The following PHC3 variants were observed in gnomAD, a reference collection of about 807,000 sequenced individuals.
The protein encoded by PHC3 is polyhomeotic homolog 3.
In PHC3, 13 loss-of-function variants were observed where a neutral mutation model predicts 107.4. That is an observed-to-expected ratio of 0.12 (90% CI 0.08 to 0.19). The LOEUF (loss-of-function observed/expected upper bound fraction) is 0.19, where lower values mean the gene tolerates loss of function less well. PHC3 is among the 10% of genes least tolerant of loss of function. The pLI is 1.00. For missense variants in PHC3, 992 were observed against 1,210.9 expected, an observed-to-expected ratio of 0.82 and a Z score of 2.68; for synonymous variants, 456 against 427.4, an observed-to-expected ratio of 1.07 and a Z score of -0.83.
At chr3:170,112,251 G>C (rs1348901963) in intron 11 of PHC3, among the ~76,000 whole-genome samples, 1 of 151,018 alleles carries the variant, frequency 6.6e-6, no homozygotes, top group Non-Finnish European at 1.5e-5. Flanking sequence ...TAGCTCTGTC[G>C]CCAGGCTGGA....
chr3:170,099,168 A>G (rs1715057599), intron 14 of PHC3, among the ~76,000 whole-genome samples: 1 of 152,228 alleles, frequency 6.6e-6, no homozygotes, highest in African/African-American at 2.4e-5. Context: ...GGAGTTCTCC[A>G]TGAGGAAAAT....
At position 170,140,584 on chromosome 3, in the gene PHC3, C is replaced by CTTTTTTT. The variant is rs57137783; in HGVS notation, c.673-3926_673-3920dup. ...TCAGAGTTCTTACTCATTTCTTTTT[C>CTTTTTTT]TTTTTTTTTTTTTTTTTTTTTTTTT... On this transcript the variant is annotated intron_variant, in intron 6 of 14. Transcript: ENST00000495893. 1.1e-3 allele frequency among the ~76,000 whole-genome samples: 75 copies of CTTTTTTT among 69,620 alleles called. 3 individuals carry two copies. The highest frequency in any genetic ancestry group is 1.4e-3 in the African/African-American group (25 of 17,666). The allele number at this position is 69,620 out of a possible 152,430, so 45.7% of individuals were successfully genotyped here.
chr3:170,103,550 G>T (rs1229761975), intron 12 of PHC3, among the ~76,000 whole-genome samples: 1 of 152,136 alleles, frequency 6.6e-6, no homozygotes, highest in Non-Finnish European at 1.5e-5. Flanking sequence ...ACAATAGACT[G>T]CCTAGTATTT....
At chr3:170,158,560 A>G (rs144383212) in intron 4 of PHC3, among the ~76,000 whole-genome samples, 1,841 of 151,814 alleles carry the variant, frequency 0.012, 40 homozygotes, top group African/African-American at 0.042. Flanking sequence ...CCAAGACCAC[A>G]CCACTGCACT....
intron 14 of PHC3, among the ~76,000 whole-genome samples, chr3:170,100,272 T>C (rs1237186015): frequency 1.3e-5 from 2 of 152,108 alleles, no homozygotes; most frequent in Non-Finnish European, 2.9e-5. Context: ...GGGAGTAGAC[T>C]ACTCAGGGAA....
At chr3:170,153,006 G>A (rs532989395) in intron 4 of PHC3, among the ~76,000 whole-genome samples, 1 of 151,986 alleles carries the variant, frequency 6.6e-6, no homozygotes, top group African/African-American at 2.4e-5. Flanking sequence ...CTACTTCCAC[G>A]GTTTCAAACA....
intron 2 of PHC3, among the ~76,000 whole-genome samples, chr3:170,173,572 T>A (rs1577274597): frequency 6.6e-6 from 1 of 152,194 alleles, no homozygotes; most frequent in African/African-American, 2.4e-5. Context: ...ATGTGGTTAG[T>A]GCAACTAAAG....
rs772999438 is a variant in PHC3, at chr3:170,091,965, C to T, written c.*5265G>A. On this transcript the variant is annotated 3_prime_UTR_variant, in exon 15 of 15. Transcript: ENST00000495893. ...AAAACTATATGATACATTTTATGAACTTCTAATAAAAGAGGACGTATCTTC... is the reference window on the plus strand; with the variant it reads ...AAAACTATATGATACATTTTATGAATTTCTAATAAAAGAGGACGTATCTTC... The T allele has an allele frequency of 2.0e-5, 3 of 152,098 alleles. No individual in the cohort carries two copies. Among genetic ancestry groups the T allele is most frequent in the Non-Finnish European group, 2.9e-5 (2 of 68,000 alleles). The allele number at this position is 152,098 out of a possible 1,614,324, so 9.4% of individuals were successfully genotyped here. A position where few individuals can be genotyped will look rare whatever the true frequency, so the allele number is the denominator to read the frequency against.
At chr3:170,159,233 CAG>C (rs1727438034) in intron 4 of PHC3, among the ~76,000 whole-genome samples, 1 of 118,724 alleles carries the variant, frequency 8.4e-6, no homozygotes, top group Admixed American at 1.2e-4. Flanking sequence ...GCCTGGAAGA[CAG>C]AGCGAGACTC....
intron 8 of PHC3, among the ~76,000 whole-genome samples, chr3:170,126,526 A>ATG (rs1228512093): frequency 1.2e-5 from 1 of 84,228 alleles, no homozygotes; most frequent in Non-Finnish European, 2.3e-5. Flanking sequence ...ATATATATAT[A>ATG]TATTTTTTTT....
intron 12 of PHC3, among the ~76,000 whole-genome samples, chr3:170,106,345 G>A (rs970595225): frequency 6.6e-6 from 1 of 152,172 alleles, no homozygotes; most frequent in Non-Finnish European, 1.5e-5. Context: ...TACTACAGCT[G>A]TCCCATAAGA....
chr3:170,113,235 C>T, intron 11 of PHC3, 125 bp downstream of exon 11: 1 of 844,316 alleles, frequency 1.2e-6, no homozygotes, highest in Non-Finnish European at 1.7e-6. Context: ...TCAAATGGTG[C>T]ATTATATGAA....
rs1272887121 is a variant in PHC3, at chr3:170,096,135, C to T, written c.*1095G>A. 1.3e-5 allele frequency: 2 copies of T among 152,020 alleles called. No homozygotes were observed. The highest frequency in any genetic ancestry group is 2.9e-5 in the Non-Finnish European group (2 of 68,012). The allele number at this position is 152,020 out of a possible 1,614,324, so 9.4% of individuals were successfully genotyped here. ...GATAATCAGAATGAATTAGTACTTT[C>T]TGAGAGTTAAATTATTTGCATGTTT... On this transcript the variant is annotated 3_prime_UTR_variant, in exon 15 of 15. Coordinates refer to ENST00000495893, the MANE Select transcript of PHC3 (RefSeq NM_024947.4).
chr3:170,143,550 C>A (rs1452232245), intron 6 of PHC3, among the ~76,000 whole-genome samples: 1 of 152,014 alleles, frequency 6.6e-6, no homozygotes, highest in Admixed American at 6.5e-5. Context: ...AAATAAGAAG[C>A]CAAAGATGAC....
intron 4 of PHC3, among the ~76,000 whole-genome samples, chr3:170,160,895 A>C (rs888684313): frequency 6.6e-6 from 1 of 152,218 alleles, no homozygotes; most frequent in African/African-American, 2.4e-5. Context: ...TGACAGAGGG[A>C]GACTCAGTCT....
chr3:170,111,598 T>C (rs1164180239), intron 11 of PHC3, among the ~76,000 whole-genome samples: 1 of 152,224 alleles, frequency 6.6e-6, no homozygotes, highest in Non-Finnish European at 1.5e-5. Flanking sequence ...TATACGATTC[T>C]AATGAATGTT....
At chr3:170,101,068 AC>A (rs2108263316) in intron 14 of PHC3, among the ~76,000 whole-genome samples, 1 of 152,312 alleles carries the variant, frequency 6.6e-6, no homozygotes, top group South Asian at 2.1e-4. Flanking sequence ...TTCATTAGAT[AC>A]TAAAACCACA....
At chr3:170,117,000 A>C (rs1234461922) in intron 10 of PHC3, 1 of 528,138 alleles carries the variant, frequency 1.9e-6, no homozygotes, top group East Asian at 3.3e-5. Context: ...ATATGTCCTG[A>C]AATTTTTTTC....
intron 12 of PHC3, 90 bp from the exon 13 acceptor site, chr3:170,103,024 C>A: frequency 8.2e-7 from 1 of 1,217,386 alleles, no homozygotes; most frequent in Admixed American, 2.1e-5. Flanking sequence ...AACTGTGAAT[C>A]AGTAAGTACC....
Sources: allele counts gnomAD v4.1 joint callset (sites outside exome capture counted in the v4.1 genomes callset), GRCh38; gene constraint gnomAD v4.1.1; transcripts MANE v1.5; gene names NCBI Gene and HGNC (gene_info 2026-07-23, HGNC 2026-07-21).